VPS13C: variants seen among roughly 807,000 people sequenced by gnomAD.
VPS13C encodes the protein intermembrane lipid transfer protein VPS13C.
A neutral mutation model predicts 456.8 loss-of-function variants in VPS13C; 358 were observed. The ratio of observed to expected loss-of-function variants is 0.78; its 90% CI spans 0.72 to 0.86. The LOEUF is 0.86. Ranked by LOEUF, VPS13C falls within the 40% of genes least tolerant of loss-of-function variation. The probability of loss-of-function intolerance (pLI) is 0.00; values close to 1 mark genes in which losing one functional copy is unlikely to be tolerated. For missense variants in VPS13C, 4,818 were observed against 4,385.4 expected (o/e 1.10, Z -2.79); for synonymous variants, 1,578 against 1,486.7 (o/e 1.06, Z -1.41).
At chr15:61,966,918 G>A (rs138058962) in intron 29 of VPS13C, among the ~76,000 whole-genome samples, 347 of 152,044 alleles carry the variant, frequency 2.3e-3, no homozygotes, top group South Asian at 5.2e-3. Context: ...TAAACAAATC[G>A]ATTCATCTTG....
At chr15:61,977,010 T>C in intron 24 of VPS13C, 72 bp downstream of exon 24, 1 of 1,099,934 alleles carries the variant, frequency 9.1e-7, no homozygotes. Flanking sequence ...CTTTGCTTCC[T>C]TAAATTCTAG....
intron 13 of VPS13C, among the ~76,000 whole-genome samples, 167 bp from the exon 14 acceptor site, chr15:62,008,928 A>C (rs2046947679): frequency 6.6e-6 from 1 of 152,200 alleles, no homozygotes; most frequent in Non-Finnish European, 1.5e-5. Context: ...TATCAATTAC[A>C]AGTATACTAC....
At chr15:61,914,129 T>C (rs934467091) in intron 61 of VPS13C, among the ~76,000 whole-genome samples, 2 of 152,160 alleles carry the variant, frequency 1.3e-5, no homozygotes, top group African/African-American at 2.4e-5. Flanking sequence ...CAGACACATA[T>C]ACAAGCAATT....
At chr15:61,991,645 A>G in intron 17 of VPS13C, 28 bp downstream of exon 17, 3 of 1,608,006 alleles carry the variant, frequency 1.9e-6, no homozygotes, top group Non-Finnish European at 2.5e-6. Flanking sequence ...TTAACACTGT[A>G]CAATAAGTTA....
chr15:61,855,160 T>C (rs1893837451), intron 83 of VPS13C, among the ~76,000 whole-genome samples: 1 of 152,210 alleles, frequency 6.6e-6, no homozygotes, highest in Non-Finnish European at 1.5e-5. Context: ...TAAAATTGGA[T>C]GAGCATACAT....
chr15:61,992,164 C>T lies in VPS13C; in HGVS notation c.1354-362G>A, dbSNP rs150020587. 9.5e-4 allele frequency among the ~76,000 whole-genome samples: 145 copies of T among 152,208 alleles called. 1 individual carries two copies. Among genetic ancestry groups the T allele is most frequent in the African/African-American group, 3.4e-3 (142 of 41,546 alleles). On this transcript the variant is annotated intron_variant, in intron 16 of 84. Transcript: ENST00000644861. ...AAATGAAAAGTTCCTTGAAAGGAAA[C>T]ACACCCAAAAAAGTATTAATTTAAA...
intron 67 of VPS13C, among the ~76,000 whole-genome samples, chr15:61,884,710 A>C (rs1281304203): frequency 1.3e-5 from 2 of 152,134 alleles, no homozygotes; most frequent in Non-Finnish European, 2.9e-5. Context: ...CTTTTGTGAA[A>C]GTAACATGTC....
rs1238830211 is a variant in VPS13C at position 61,920,803 on chromosome 15, G to C, written c.7063-156C>G. 3.9e-5 allele frequency among the ~76,000 whole-genome samples: 6 copies of C among 152,084 alleles called. 1 individual carries two copies. Among genetic ancestry groups the C allele is most frequent in the Admixed American group, 2.0e-4 (3 of 15,266 alleles). On this transcript the variant is annotated intron_variant, in intron 55 of 84. Coordinates refer to ENST00000644861, the MANE Select transcript of VPS13C (RefSeq NM_020821.3). The stretch of plus-strand genomic sequence containing the variant: ...ATACCATGCTTCACTTTGATTTCAT[G>C]GAGTTCAGCATTCATTCTTTCAGGG...
In VPS13C at chr15:61,910,224, AG is replaced by A; in HGVS notation, c.8796del (p.Tyr2934IlefsTer10). 1 of 1,504,504 alleles carries A rather than the reference AG, an allele frequency of 6.6e-7. No individual in the cohort carries two copies. Among genetic ancestry groups the A allele is most frequent in the Non-Finnish European group, 8.9e-7 (1 of 1,118,998 alleles). 93.2% of individuals were successfully genotyped at this position (1,504,504 alleles called of 1,614,324 possible). ...GTGCCATTATCCTGTCGGTTATAAA[AG>A]AATGGTTTGGAAGATCCTTCACAGC... Reference protein sequence around the residue: ...VVGCEGSSKPFFYNRQDNGTL... With the variant: ...VVGCEGSSKPXFYNRQDNGTL... On this transcript the variant is annotated frameshift_variant, in exon 64 of 85. Coordinates refer to ENST00000644861, the MANE Select transcript of VPS13C (RefSeq NM_020821.3). LOFTEE classifies it high-confidence loss of function.
At position 61,917,242 on chromosome 15, in the gene VPS13C, C is replaced by T. The variant is rs147956938; in HGVS notation, c.8055+99G>A. 4,606 of 1,232,546 alleles carry T rather than the reference C, an allele frequency of 3.7e-3. 8 individuals carry two copies. Among genetic ancestry groups the T allele is most frequent in the Non-Finnish European group, 4.1e-3 (3,678 of 888,556 alleles). The allele number at this position is 1,232,546 out of a possible 1,614,324, so 76.4% of individuals were successfully genotyped here. On this transcript the variant is annotated intron_variant, in intron 60 of 84. Coordinates refer to ENST00000644861, the MANE Select transcript of VPS13C (RefSeq NM_020821.3). ...ATGAAGGCATTACACATTACACATA[C>T]GCTATATAAAACACTGACCTCACTT...
chr15:61,908,507 A>G (rs1209852174), intron 65 of VPS13C, among the ~76,000 whole-genome samples: 1 of 152,136 alleles, frequency 6.6e-6, no homozygotes, highest in African/African-American at 2.4e-5. Flanking sequence ...TATACATTCA[A>G]CACCACTATC....
At chr15:61,893,173 G>C (rs1596300370) in intron 66 of VPS13C, among the ~76,000 whole-genome samples, 2 of 152,210 alleles carry the variant, frequency 1.3e-5, no homozygotes, top group Admixed American at 1.3e-4. Context: ...ACTACCCTAA[G>C]GCATATAATA....
intron 1 of VPS13C, among the ~76,000 whole-genome samples, chr15:62,059,789 A>G (rs541278487): frequency 1.8e-4 from 28 of 152,340 alleles, no homozygotes; most frequent in African/African-American, 6.3e-4. Flanking sequence ...TCCTAAAGAG[A>G]AGGAACCCAG....
intron 45 of VPS13C, among the ~76,000 whole-genome samples, chr15:61,945,477 TA>T (rs2140272178): frequency 6.6e-6 from 1 of 152,300 alleles, no homozygotes; most frequent in East Asian, 1.9e-4. Flanking sequence ...AACATACATT[TA>T]AAATGTATAC....
chr15:62,037,425 T>C (rs2048092749), intron 3 of VPS13C, among the ~76,000 whole-genome samples: 1 of 70,440 alleles, frequency 1.4e-5, no homozygotes. Context: ...ATATGTTATA[T>C]ATAAATATAA....
rs769319884 is a variant in VPS13C, at chr15:62,013,105, A to G, written c.759T>C (p.Asp253=). The G allele has an allele frequency of 9.3e-6, 15 of 1,608,440 alleles. No homozygotes were observed. The highest frequency in any genetic ancestry group is 1.2e-5 in the Non-Finnish European group (14 of 1,177,150). ...TTACATTCCAGTAGGCGCTAAGACTATCAAGTCGTATAAGCTATAAGAGAA... is the reference window on the plus strand; with the variant it reads ...TTACATTCCAGTAGGCGCTAAGACTGTCAAGTCGTATAAGCTATAAGAGAA... ...DKIIYKLIRL[D]SLSAYWNVNC... The change falls in exon 11 of 85, where the codon GAT becomes GAC. Residue 253 remains aspartate, a synonymous_variant. Coordinates refer to ENST00000644861, the MANE Select transcript of VPS13C (RefSeq NM_020821.3).
At chr15:62,003,096 A>C (rs1432498399) in intron 15 of VPS13C, among the ~76,000 whole-genome samples, 1 of 152,120 alleles carries the variant, frequency 6.6e-6, no homozygotes, top group Non-Finnish European at 1.5e-5. Context: ...TTGAATCTGT[A>C]AATTACCTTG....
chr15:62,000,489 C>A, intron 16 of VPS13C, 75 bp downstream of exon 16: 1 of 1,401,714 alleles, frequency 7.1e-7, no homozygotes, highest in South Asian at 1.4e-5. Flanking sequence ...CGTGAAACTT[C>A]AATTTCTTGA....
rs1293296587 is a variant in VPS13C at position 61,929,558 on chromosome 15, T to A, written c.6229A>T (p.Lys2077Ter). 2 of 1,614,018 alleles carry A rather than the reference T, an allele frequency of 1.2e-6. No individual in the cohort carries two copies. Among genetic ancestry groups the A allele is most frequent in the African/African-American group, 2.7e-5 (2 of 74,938 alleles). The change falls in exon 51 of 85, where the codon AAA (lysine) becomes TAA (stop). Residue 2077 changes from lysine (K) to a stop codon, truncating the protein, a stop_gained. Coordinates refer to ENST00000644861, the MANE Select transcript of VPS13C (RefSeq NM_020821.3). LOFTEE classifies it high-confidence loss of function. ...AVPQSPENVA[K>*]ETQILPRQTA... ...TGTCTTGGTAAAATCTGTGTTTCTT[T>A]TGCCACATTTTCTGGACTCTGAGGC... is the stretch of plus-strand genomic sequence containing the variant.
Sources: allele counts gnomAD v4.1 joint callset (sites outside exome capture counted in the v4.1 genomes callset), GRCh38; gene constraint gnomAD v4.1.1; transcripts MANE v1.5; gene names NCBI Gene and HGNC (gene_info 2026-07-23, HGNC 2026-07-21).